PIK3CB: variants seen among roughly 807,000 people sequenced by gnomAD.
The protein encoded by PIK3CB is phosphatidylinositol-4,5-bisphosphate 3-kinase catalytic subunit beta.
PIK3CB carries 39 observed loss-of-function variants against 136.8 expected under a neutral mutation model. The ratio of observed to expected loss-of-function variants is 0.29; its 90% CI spans 0.22 to 0.37. The LOEUF (loss-of-function observed/expected upper bound fraction) is 0.37. Among genes scored for constraint, PIK3CB ranks in the 10% least tolerant of loss-of-function variants. The probability of loss-of-function intolerance (pLI) is 1.00; values close to 1 mark genes in which losing one functional copy is unlikely to be tolerated. For synonymous variants in PIK3CB, 428 were observed against 436.6 expected (o/e 0.98, Z 0.25); for missense variants, 868 against 1,275.4 (o/e 0.68, Z 4.87).
chr3:138,781,009 A>G lies in PIK3CB; in HGVS notation c.-17+15454T>C, dbSNP rs146070570. On this transcript the variant is annotated intron_variant, in intron 2 of 23. Transcript: ENST00000674063. ...CTAAAAATTAAGTCTTTACATAAAA[A>G]TGAAACTTCTGGGCTCGTGCCTGTA... Among the ~76,000 whole-genome samples, 33 of 152,292 alleles carry G rather than the reference A, an allele frequency of 2.2e-4. No individual in the cohort carries two copies. The East Asian group carries it at 4.8e-3, about 22-fold the overall frequency.
At chr3:138,673,384 G>A (rs2043577118) in intron 19 of PIK3CB, among the ~76,000 whole-genome samples, 1 of 152,110 alleles carries the variant, frequency 6.6e-6, no homozygotes, top group Non-Finnish European at 1.5e-5. Flanking sequence ...AAGGCAAAGA[G>A]AAACTTTTTG....
At chr3:138,710,105 G>C (rs1411016216) in intron 10 of PIK3CB, among the ~76,000 whole-genome samples, 2 of 151,686 alleles carry the variant, frequency 1.3e-5, no homozygotes, top group Non-Finnish European at 2.9e-5. Flanking sequence ...GGGAGGCTGA[G>C]CCCAGGAGGG....
At position 138,672,626 on chromosome 3, in the gene PIK3CB, G is replaced by C. The variant is rs536067236; in HGVS notation, c.2505-7423C>G. On this transcript the variant is annotated intron_variant, in intron 19 of 23. Transcript: ENST00000674063. ...AAGAACAATCTGAAAGAGACTTTAG[G>C]CTGGGCGTGGTGGCTCACGCCTGTA... 2.6e-4 allele frequency among the ~76,000 whole-genome samples: 40 copies of C among 152,280 alleles called. No homozygotes were observed. In the East Asian group the frequency reaches 6.8e-3, roughly 26 times the overall value.
At chr3:138,718,436 T>G (rs1484307002) in intron 8 of PIK3CB, among the ~76,000 whole-genome samples, 1 of 152,220 alleles carries the variant, frequency 6.6e-6, no homozygotes, top group Non-Finnish European at 1.5e-5. Context: ...GTCTGATGCA[T>G]AGTTTGCAAA....
intron 12 of PIK3CB, 81 bp downstream of exon 12, chr3:138,704,362 A>T (rs2044319413): frequency 1.1e-6 from 1 of 929,798 alleles, no homozygotes; most frequent in African/African-American, 1.6e-5. Flanking sequence ...GTCTTCTGTG[A>T]GTTCATTACT....
chr3:138,656,796 A>ATTTTTTTT (rs2043199433), intron 22 of PIK3CB, among the ~76,000 whole-genome samples: 1 of 151,716 alleles, frequency 6.6e-6, no homozygotes, highest in African/African-American at 2.4e-5. Context: ...TTTGAGATGG[A>ATTTTTTTT]ACCTTGCTCT....
intron 1 of PIK3CB, among the ~76,000 whole-genome samples, chr3:138,827,543 T>C (rs1465847801): frequency 6.6e-6 from 1 of 151,722 alleles, no homozygotes; most frequent in Non-Finnish European, 1.5e-5. Context: ...CATGATGGTA[T>C]ATGCCTATAG....
chr3:138,685,834 T>C (rs1208538024), intron 16 of PIK3CB, among the ~76,000 whole-genome samples: 1 of 152,096 alleles, frequency 6.6e-6, no homozygotes, highest in East Asian at 1.9e-4. Context: ...TCAAAACCAT[T>C]ATGTTTAAAA....
chr3:138,821,537 C>G (rs1385880494), intron 1 of PIK3CB, among the ~76,000 whole-genome samples: 1 of 152,186 alleles, frequency 6.6e-6, no homozygotes, highest in Non-Finnish European at 1.5e-5. Flanking sequence ...GTAATCCCAG[C>G]ACTCTGGGAG....
rs1553743732 is a variant in PIK3CB, at chr3:138,815,368, A to AAAAAAAAC, written c.-121-18809_-121-18802dup. Among the ~76,000 whole-genome samples, 837 of 105,924 alleles carry AAAAAAAAC rather than the reference A, an allele frequency of 7.9e-3. 58 individuals are homozygous for AAAAAAAAC. The highest frequency in any genetic ancestry group is 0.028 in the African/African-American group (784 of 27,910). The allele number at this position is 105,924 out of a possible 152,430, so 69.5% of individuals were successfully genotyped here. ...CCACATCCTGTCTCAAAAAAAAAAAAAAAAAAACTAGTCAAAACCATAACA... is the reference window on the plus strand; with the variant it reads ...CCACATCCTGTCTCAAAAAAAAAAAAAAAAAAACAAAAAAACTAGTCAAAACCATAACA... On this transcript the variant is annotated intron_variant, in intron 1 of 23. Transcript: ENST00000674063.
At chr3:138,762,577 C>G (rs2045677220) in intron 2 of PIK3CB, among the ~76,000 whole-genome samples, 1 of 152,184 alleles carries the variant, frequency 6.6e-6, no homozygotes. Context: ...CTTTGAAGAT[C>G]TGGTGTAGGA....
chr3:138,790,532 C>T (rs1324028070), intron 2 of PIK3CB, among the ~76,000 whole-genome samples: 3 of 149,104 alleles, frequency 2.0e-5, no homozygotes, highest in Non-Finnish European at 4.4e-5. Flanking sequence ...AGACCGGGCA[C>T]GGTGGCTCAT....
intron 10 of PIK3CB, among the ~76,000 whole-genome samples, chr3:138,708,272 T>C (rs2044421251): frequency 6.8e-6 from 1 of 147,426 alleles, no homozygotes; most frequent in Admixed American, 6.7e-5. Context: ...TCTTTTTTTT[T>C]TTTTTTTTTT....
At chr3:138,771,397 A>G (rs1014781237) in intron 2 of PIK3CB, among the ~76,000 whole-genome samples, 1 of 151,704 alleles carries the variant, frequency 6.6e-6, no homozygotes, top group African/African-American at 2.4e-5. Flanking sequence ...TATTTTTTGT[A>G]TTTAGTAGAT....
chr3:138,672,620 C>T (rs896328893), intron 19 of PIK3CB, among the ~76,000 whole-genome samples: 2 of 152,068 alleles, frequency 1.3e-5, no homozygotes, highest in Admixed American at 6.6e-5. Context: ...CTGAAAGAGA[C>T]TTTAGGCTGG....
chr3:138,811,412 T>C (rs1416346773), intron 1 of PIK3CB, among the ~76,000 whole-genome samples: 3 of 151,874 alleles, frequency 2.0e-5, no homozygotes, highest in African/African-American at 4.8e-5. Flanking sequence ...AACTATACTA[T>C]TGATATGCAA....
At chr3:138,748,255 C>T (rs1430051566) in intron 4 of PIK3CB, among the ~76,000 whole-genome samples, 2 of 151,600 alleles carry the variant, frequency 1.3e-5, no homozygotes, top group East Asian at 1.9e-4. Context: ...TCAGGACCAA[C>T]GAAGAAAGCC....
chr3:138,736,820 C>T (rs2045116027), intron 6 of PIK3CB, among the ~76,000 whole-genome samples: 1 of 152,066 alleles, frequency 6.6e-6, no homozygotes, highest in Non-Finnish European at 1.5e-5. Flanking sequence ...AAAATTCTTG[C>T]CATTCATGGA....
intron 4 of PIK3CB, among the ~76,000 whole-genome samples, chr3:138,753,408 C>G (rs1205502423): frequency 6.6e-6 from 1 of 152,116 alleles, no homozygotes; most frequent in African/African-American, 2.4e-5. Flanking sequence ...GTAATCCCAG[C>G]TACTCAGAAG....
Sources: gnomAD v4.1 joint callset for allele counts (sites outside exome capture counted in the v4.1 genomes callset) on GRCh38, gnomAD v4.1.1 for gene constraint, MANE v1.5 for transcripts, NCBI Gene and HGNC (gene_info 2026-07-23, HGNC 2026-07-21) for gene names.